Variants in NEDD9 observed in about 807,000 individuals in gnomAD.
NEDD9 encodes the protein enhancer of filamentation 1.
NEDD9 carries 26 observed loss-of-function variants against 76.6 expected under a neutral mutation model. That is an observed-to-expected ratio of 0.34 (90% CI 0.25 to 0.47). The LOEUF (loss-of-function observed/expected upper bound fraction) is 0.47, where lower values mean the gene tolerates loss of function less well. NEDD9 is among the 20% of genes least tolerant of loss of function. The pLI, the probability that NEDD9 is intolerant of heterozygous loss-of-function variation, is 1.00. For synonymous variants in NEDD9, 392 were observed against 414.2 expected, an observed-to-expected ratio of 0.95 and a Z score of 0.65; for missense variants, 937 against 1,058.5, an observed-to-expected ratio of 0.89 and a Z score of 1.59.
chr6:11,321,103 G>A (rs1031244618), intron 2 of NEDD9, among the ~76,000 whole-genome samples: 2 of 150,144 alleles, frequency 1.3e-5, no homozygotes, highest in Non-Finnish European at 3.0e-5. Context: ...AAAGAGGGAG[G>A]GAAATGGAGG....
At chr6:11,251,622 G>A (rs16871162) in intron 3 of NEDD9, 3,440 of 152,296 alleles carry the variant, frequency 0.023, 70 homozygotes, top group East Asian at 0.12. Flanking sequence ...AGCTTTCCAC[G>A]TTCCAGTCCA....
chr6:11,227,808 G>A (rs965722519), intron 1 of NEDD9, among the ~76,000 whole-genome samples: 1 of 152,026 alleles, frequency 6.6e-6, no homozygotes, highest in Non-Finnish European at 1.5e-5. Flanking sequence ...TAGGGCAGAG[G>A]TGAAAAGCAT....
At chr6:11,255,708 C>A (rs1477210271) in intron 3 of NEDD9, among the ~76,000 whole-genome samples, 1 of 152,012 alleles carries the variant, frequency 6.6e-6, no homozygotes, top group Admixed American at 6.5e-5. Context: ...TGGAGCCATG[C>A]GAGGCCTTTT....
chr6:11,326,528 C>T (rs1761932997), intron 2 of NEDD9, among the ~76,000 whole-genome samples: 1 of 152,242 alleles, frequency 6.6e-6, no homozygotes, highest in Admixed American at 6.5e-5. Flanking sequence ...AAAGTATTGC[C>T]AAAGTCTATG....
chr6:11,262,581 T>C (rs1335508744), intron 3 of NEDD9, among the ~76,000 whole-genome samples: 1 of 152,236 alleles, frequency 6.6e-6, no homozygotes, highest in East Asian at 1.9e-4. Flanking sequence ...ATGACTATTC[T>C]GGAAGCTGTA....
chr6:11,352,283 T>C (rs933751430), intron 1 of NEDD9: 8 of 150,944 alleles, frequency 5.3e-5, no homozygotes, highest in African/African-American at 2.0e-4. Flanking sequence ...ACAGATCTTG[T>C]CCTCATGGGC....
intron 3 of NEDD9, chr6:11,305,025 T>C: frequency 8.3e-7 from 1 of 1,199,194 alleles, no homozygotes; most frequent in Non-Finnish European, 1.1e-6. Context: ...CTTTTGTTAC[T>C]TATCAAATTA....
At chr6:11,247,488 C>T (rs769454647) in intron 3 of NEDD9, among the ~76,000 whole-genome samples, 11 of 152,170 alleles carry the variant, frequency 7.2e-5, no homozygotes, top group South Asian at 2.1e-4. Flanking sequence ...GTGTACTCTT[C>T]GGTGTTTTAT....
At chr6:11,286,887 T>C (rs1760660059) in intron 3 of NEDD9, among the ~76,000 whole-genome samples, 1 of 152,048 alleles carries the variant, frequency 6.6e-6, no homozygotes, top group Non-Finnish European at 1.5e-5. Context: ...ATGGATGTGT[T>C]TGTTATCTTG....
intron 3 of NEDD9, among the ~76,000 whole-genome samples, chr6:11,292,173 T>G (rs963993140): frequency 6.6e-6 from 1 of 152,170 alleles, no homozygotes; most frequent in African/African-American, 2.4e-5. Context: ...AGCTTTATAT[T>G]TTAGAATAAG....
At chr6:11,309,137 A>G (rs9468840) in intron 2 of NEDD9, among the ~76,000 whole-genome samples, 120 of 152,202 alleles carry the variant, frequency 7.9e-4, no homozygotes, top group African/African-American at 2.8e-3. Flanking sequence ...CCTGTTTTTA[A>G]ACTTTGGATA....
chr6:11,226,884 T>G (rs1759323770), intron 1 of NEDD9, among the ~76,000 whole-genome samples: 1 of 152,266 alleles, frequency 6.6e-6, no homozygotes, highest in Non-Finnish European at 1.5e-5. Context: ...GGTATTATTC[T>G]CATTTGATAA....
intron 1 of NEDD9, among the ~76,000 whole-genome samples, chr6:11,379,250 C>T (rs1763020966): frequency 6.6e-6 from 1 of 151,056 alleles, no homozygotes; most frequent in South Asian, 2.1e-4. Context: ...TTGCCATATT[C>T]TGTGTGCTGT....
intron 2 of NEDD9, among the ~76,000 whole-genome samples, chr6:11,308,668 C>T (rs1194671929): frequency 1.5e-4 from 23 of 151,894 alleles, no homozygotes; most frequent in African/African-American, 5.1e-4. Flanking sequence ...CGCGCCCGGC[C>T]GGGACATCTT....
intron 3 of NEDD9, among the ~76,000 whole-genome samples, chr6:11,292,748 T>G (rs2113379056): frequency 6.6e-6 from 1 of 152,354 alleles, no homozygotes; most frequent in East Asian, 1.9e-4. Context: ...GAGAGGTCTC[T>G]GTGATGTGAT....
chr6:11,277,292 T>C (rs16871204), intron 3 of NEDD9, among the ~76,000 whole-genome samples: 10,551 of 152,224 alleles, frequency 0.069, 379 homozygotes, highest in Middle Eastern at 0.14. Flanking sequence ...GGAGAGCAAA[T>C]GTAAACACAG....
chr6:11,324,049 A>G (rs910950841), intron 2 of NEDD9, among the ~76,000 whole-genome samples: 1 of 152,170 alleles, frequency 6.6e-6, no homozygotes, highest in Admixed American at 6.5e-5. Flanking sequence ...CAGACACATG[A>G]AACGAACCTC....
chr6:11,262,649 G>T (rs983573045), intron 3 of NEDD9, among the ~76,000 whole-genome samples: 5 of 152,198 alleles, frequency 3.3e-5, no homozygotes, highest in African/African-American at 1.2e-4. Context: ...AGGGTTCTTA[G>T]AGAAAAGCAT....
chr6:11,314,553 A>C (rs1292819633), intron 2 of NEDD9, among the ~76,000 whole-genome samples: 1 of 152,188 alleles, frequency 6.6e-6, no homozygotes, highest in African/African-American at 2.4e-5. Flanking sequence ...ATGCCCCCTC[A>C]AAACAGCCTA....
Sources: gnomAD v4.1 joint callset for allele counts (sites outside exome capture counted in the v4.1 genomes callset) on GRCh38, gnomAD v4.1.1 for gene constraint, MANE v1.5 for transcripts, NCBI Gene and HGNC (gene_info 2026-07-23, HGNC 2026-07-21) for gene names.